The following SUGCT variants were observed in gnomAD, a reference collection of about 807,000 sequenced individuals.
SUGCT encodes succinyl-CoA:glutarate-CoA transferase.
Under a neutral mutation model 55.0 loss-of-function variants are expected in SUGCT, and 41 were observed. The ratio of observed to expected loss-of-function variants is 0.74; its 90% CI spans 0.58 to 0.97. SUGCT has a LOEUF of 0.97. Ranked by LOEUF, SUGCT falls within the 50% of genes least tolerant of loss-of-function variation. SUGCT has a pLI of 0.00. For synonymous variants in SUGCT, 187 were observed against 200.4 expected, an observed-to-expected ratio of 0.93 and a Z score of 0.56; for missense variants, 568 against 547.8, an observed-to-expected ratio of 1.04 and a Z score of -0.37.
chr7:40,253,499 A>G (rs1343882705), intron 7 of SUGCT, among the ~76,000 whole-genome samples: 8 of 152,230 alleles, frequency 5.3e-5, no homozygotes, highest in Non-Finnish European at 1.2e-4. Flanking sequence ...GTACCCCCCA[A>G]ATCTAGAACA....
At position 40,699,848 on chromosome 7, in the gene SUGCT, ACTCC is replaced by A. The variant is rs1474786889; in HGVS notation, c.1090-49585_1090-49582del. Among the ~76,000 whole-genome samples the A allele has an allele frequency of 2.0e-5, 3 of 152,304 alleles. No individual in the cohort carries two copies. In the East Asian group the frequency reaches 5.8e-4, roughly 29 times the overall value. On this transcript the variant is annotated intron_variant, in intron 12 of 13. Coordinates refer to ENST00000335693, the MANE Select transcript of SUGCT (RefSeq NM_001193313.2). ...ACTCCAGCCTGGGTGACAGAGCGAG[ACTCC>A]ATCTCAAAAAAATAAAATAAAGTAT...
chr7:40,635,014 G>A (rs991184702), intron 12 of SUGCT, among the ~76,000 whole-genome samples: 91 of 152,138 alleles, frequency 6.0e-4, no homozygotes, highest in Non-Finnish European at 1.8e-4. Flanking sequence ...GGCTGGGTGC[G>A]GTGGCTCACC....
chr7:40,593,431 G>T lies in SUGCT; in HGVS notation c.1089+97045G>T, dbSNP rs187237008. Among the ~76,000 whole-genome samples, 53 of 152,284 alleles carry T rather than the reference G, an allele frequency of 3.5e-4. No homozygotes were observed. The East Asian group carries it at 8.5e-3, about 24-fold the overall frequency. ...AACTAGAAAATGGGCATTGGCAAAG[G>T]ACAATGTACAATTGTTGCCTTCAAG... is the stretch of plus-strand genomic sequence containing the variant. On this transcript the variant is annotated intron_variant, in intron 12 of 13. Coordinates refer to ENST00000335693, the MANE Select transcript of SUGCT (RefSeq NM_001193313.2).
chr7:40,658,325 A>AC (rs1182402903), intron 12 of SUGCT, among the ~76,000 whole-genome samples: 2 of 151,766 alleles, frequency 1.3e-5, no homozygotes, highest in Non-Finnish European at 2.9e-5. Context: ...GTTATGTTGA[A>AC]CCCCTTCCCC....
intron 9 of SUGCT, among the ~76,000 whole-genome samples, chr7:40,355,402 TAGGTAACCTTTG>T (rs552609901): frequency 6.6e-4 from 101 of 152,366 alleles, no homozygotes; most frequent in African/African-American, 1.6e-3. Flanking sequence ...TTGTAACCTG[TAGGTAACCTTTG>T]TAACCTTTTG....
intron 13 of SUGCT, among the ~76,000 whole-genome samples, chr7:40,801,928 A>T (rs1387622207): frequency 6.6e-6 from 1 of 152,154 alleles, no homozygotes; most frequent in Non-Finnish European, 1.5e-5. Flanking sequence ...AACAAGAAAA[A>T]AAATCTGCAT....
intron 11 of SUGCT, among the ~76,000 whole-genome samples, chr7:40,479,651 G>A (rs1790912795): frequency 6.6e-6 from 1 of 152,130 alleles, no homozygotes; most frequent in South Asian, 2.1e-4. Context: ...CCAACAGTGA[G>A]AAGAGTTCCC....
chr7:40,163,295 T>C (rs952454127), intron 1 of SUGCT, among the ~76,000 whole-genome samples: 1 of 152,130 alleles, frequency 6.6e-6, no homozygotes, highest in Non-Finnish European at 1.5e-5. Flanking sequence ...TCTGCAAATT[T>C]CTCAAGCTTT....
At chr7:40,426,489 A>G (rs776802182) in intron 9 of SUGCT, among the ~76,000 whole-genome samples, 1 of 152,206 alleles carries the variant, frequency 6.6e-6, no homozygotes, top group Non-Finnish European at 1.5e-5. Flanking sequence ...ACTTCCAGGA[A>G]GAGAAGCTAC....
At chr7:40,303,466 G>A (rs1794658459) in intron 8 of SUGCT, among the ~76,000 whole-genome samples, 1 of 151,664 alleles carries the variant, frequency 6.6e-6, no homozygotes, top group Non-Finnish European at 1.5e-5. Context: ...TCCTTTAAAT[G>A]TCTCTCAGAT....
chr7:40,918,723 G>A, the SUGCT span, among the ~76,000 whole-genome samples: 44 of 152,258 alleles, frequency 2.9e-4, no homozygotes, highest in South Asian at 1.9e-3. Context: ...ATTCCTTGGT[G>A]CCCATCCTAG....
chr7:40,522,255 A>C (rs137927994), intron 12 of SUGCT, among the ~76,000 whole-genome samples: 14 of 152,212 alleles, frequency 9.2e-5, no homozygotes, highest in Non-Finnish European at 1.8e-4. Flanking sequence ...TTGCAAATTA[A>C]TTTCAAAATG....
chr7:40,333,328 G>A (rs1480796219), intron 9 of SUGCT, among the ~76,000 whole-genome samples: 1 of 152,104 alleles, frequency 6.6e-6, no homozygotes, highest in South Asian at 2.1e-4. Flanking sequence ...CACATGGTCA[G>A]TATGTAATAA....
chr7:40,904,965 G>A, the SUGCT span, among the ~76,000 whole-genome samples: 1 of 152,052 alleles, frequency 6.6e-6, no homozygotes, highest in Admixed American at 6.5e-5. Flanking sequence ...AAAACAAGTG[G>A]CGGATGGCAT....
chr7:40,918,439 C>T, the SUGCT span, among the ~76,000 whole-genome samples: 635 of 128,972 alleles, frequency 4.9e-3, 6 homozygotes, highest in African/African-American at 0.017. Context: ...CCAGTCTGGG[C>T]GACAGAGCGA....
chr7:40,367,322 C>T (rs551774852), intron 9 of SUGCT, among the ~76,000 whole-genome samples: 106 of 150,930 alleles, frequency 7.0e-4, no homozygotes, highest in African/African-American at 1.5e-3. Flanking sequence ...TGCTAAATGA[C>T]GAGTTAATGG....
chr7:40,904,610 CTGG>C, the SUGCT span, among the ~76,000 whole-genome samples: 20 of 152,164 alleles, frequency 1.3e-4, no homozygotes, highest in East Asian at 1.9e-4. Context: ...TGAAAATCTT[CTGG>C]AGATGGATGG....
intron 13 of SUGCT, among the ~76,000 whole-genome samples, chr7:40,765,845 G>A (rs996330678): frequency 8.5e-5 from 13 of 152,074 alleles, no homozygotes; most frequent in African/African-American, 3.1e-4. Flanking sequence ...TCAGATGCAG[G>A]GAAACCCTCT....
the SUGCT span, among the ~76,000 whole-genome samples, chr7:41,036,357 A>G: frequency 3.9e-5 from 6 of 152,304 alleles, no homozygotes; most frequent in South Asian, 1.0e-3. Context: ...AGAAAAGCAT[A>G]ATATTAAAGA....
Sources: allele counts gnomAD v4.1 joint callset (sites outside exome capture counted in the v4.1 genomes callset), GRCh38; gene constraint gnomAD v4.1.1; transcripts MANE v1.5; gene names NCBI Gene and HGNC (gene_info 2026-07-23, HGNC 2026-07-21).